The following PIK3C2A variants were observed in gnomAD, a reference collection of about 807,000 sequenced individuals.
The protein encoded by PIK3C2A is phosphatidylinositol 4-phosphate 3-kinase C2 domain-containing subunit alpha.
A neutral mutation model predicts 204.5 loss-of-function variants in PIK3C2A; 97 were observed. The ratio of observed to expected loss-of-function variants is 0.47; its 90% CI spans 0.40 to 0.56. The LOEUF (loss-of-function observed/expected upper bound fraction) is 0.56. PIK3C2A is among the 20% of genes least tolerant of loss of function. PIK3C2A has a pLI of 0.00. For missense variants in PIK3C2A, 1,735 were observed against 1,969.2 expected (o/e 0.88, Z 2.25); for synonymous variants, 653 against 664.4 (o/e 0.98, Z 0.26).
rs1167007528 is a variant in PIK3C2A, at chr11:17,087,291, T to G, written c.*2447A>C. On this transcript the variant is annotated 3_prime_UTR_variant, in exon 33 of 33. Transcript: ENST00000691414. ...CTTAAAAATCCAACTGATTTAAAAT[T>G]TATTGATAGTAGTAGTGCAAAGAGG... 6.6e-6 allele frequency: 1 copy of G among 150,966 alleles called. No individual in the cohort carries two copies. The highest frequency in any genetic ancestry group is 1.5e-5 in the Non-Finnish European group (1 of 67,626). The allele number at this position is 150,966 out of a possible 1,614,324, so 9.4% of individuals were successfully genotyped here.
intron 1 of PIK3C2A, among the ~76,000 whole-genome samples, chr11:17,178,114 A>AAAAAAAG (rs1851402130): frequency 4.1e-4 from 30 of 73,220 alleles, no homozygotes; most frequent in Admixed American, 5.2e-4. Flanking sequence ...AAAAAAAAAG[A>AAAAAAAG]AAAAAAAAAT....
chr11:17,186,165 G>A (rs1263572036), intron 1 of PIK3C2A, among the ~76,000 whole-genome samples: 1 of 152,076 alleles, frequency 6.6e-6, no homozygotes, highest in African/African-American at 2.4e-5. Context: ...ATCACTGAAT[G>A]GCTTAATCCC....
At chr11:17,101,855 G>T (rs956722073) in intron 24 of PIK3C2A, among the ~76,000 whole-genome samples, 7 of 151,730 alleles carry the variant, frequency 4.6e-5, no homozygotes, top group Non-Finnish European at 8.8e-5. Flanking sequence ...CGCCCGCCTT[G>T]GCCTCCCAAA....
chr11:17,182,679 A>G (rs1279462309), intron 1 of PIK3C2A, among the ~76,000 whole-genome samples: 1 of 152,146 alleles, frequency 6.6e-6, no homozygotes. Flanking sequence ...TCTAGAGGCT[A>G]AATTAAGGAG....
At chr11:17,128,829 A>T (rs991718542) in intron 13 of PIK3C2A, among the ~76,000 whole-genome samples, 1 of 152,232 alleles carries the variant, frequency 6.6e-6, no homozygotes, top group African/African-American at 2.4e-5. Context: ...GATGTATGGC[A>T]ATTAAAGACT....
rs767184070 is a variant in PIK3C2A at position 17,129,477 on chromosome 11, G to GA, written c.2232-11dup. ...GATAGGAAAAATGATTCTATGGGGGGAAAAATGTATTAATAGAACAAATTA... is the reference window on the plus strand; with the variant it reads ...GATAGGAAAAATGATTCTATGGGGGGAAAAAATGTATTAATAGAACAAATTA... On this transcript the variant is annotated splice_polypyrimidine_tract_variant and intron_variant, in intron 12 of 32. Transcript: ENST00000691414. 7.7e-6 allele frequency: 12 copies of GA among 1,557,408 alleles called. No individual in the cohort carries two copies. The highest frequency in any genetic ancestry group is 1.9e-4 in the Middle Eastern group (1 of 5,142).
At chr11:17,171,302 T>A (rs1045110701) in intron 1 of PIK3C2A, among the ~76,000 whole-genome samples, 1 of 152,202 alleles carries the variant, frequency 6.6e-6, no homozygotes, top group African/African-American at 2.4e-5. Flanking sequence ...CTAATCTGGT[T>A]TGTGATACAT....
chr11:17,165,188 T>C (rs900580807), intron 2 of PIK3C2A, among the ~76,000 whole-genome samples: 7 of 152,186 alleles, frequency 4.6e-5, no homozygotes, highest in African/African-American at 1.7e-4. Flanking sequence ...GTCTTGTCAT[T>C]TTCCCAACTT....
intron 25 of PIK3C2A, among the ~76,000 whole-genome samples, 159 bp from the exon 26 acceptor site, chr11:17,100,128 C>T (rs952448135): frequency 1.8e-4 from 28 of 151,602 alleles, no homozygotes; most frequent in African/African-American, 6.8e-4. Flanking sequence ...GATTATCTAA[C>T]AAATAAGGAA....
At chr11:17,172,976 T>A (rs991638300) in intron 1 of PIK3C2A, among the ~76,000 whole-genome samples, 2 of 152,228 alleles carry the variant, frequency 1.3e-5, no homozygotes, top group African/African-American at 4.8e-5. Context: ...ACTTCTCCAA[T>A]GAGGGACCTA....
chr11:17,101,810 A>G (rs906729879), intron 24 of PIK3C2A, among the ~76,000 whole-genome samples: 45 of 151,728 alleles, frequency 3.0e-4, no homozygotes, highest in South Asian at 6.2e-4. Flanking sequence ...TCACCGTGTT[A>G]GCCAGGATGG....
intron 13 of PIK3C2A, among the ~76,000 whole-genome samples, chr11:17,127,858 A>G (rs1331642692): frequency 6.6e-6 from 1 of 152,194 alleles, no homozygotes; most frequent in African/African-American, 2.4e-5. Context: ...CAAAAGATAT[A>G]TTCTAGAACA....
At chr11:17,148,269 ATTTCAGGC>A (rs1390798364) in intron 5 of PIK3C2A, 1 of 155,038 alleles carries the variant, frequency 6.5e-6, no homozygotes, top group Non-Finnish European at 1.4e-5. Context: ...TATAATGATT[ATTTCAGGC>A]AACTAAAAGG....
intron 8 of PIK3C2A, among the ~76,000 whole-genome samples, chr11:17,142,247 T>C (rs1184432008): frequency 6.6e-6 from 1 of 152,038 alleles, no homozygotes; most frequent in African/African-American, 2.4e-5. Flanking sequence ...GTGGAAAAGG[T>C]TAAGGTTAGA....
intron 1 of PIK3C2A, among the ~76,000 whole-genome samples, chr11:17,180,361 C>G (rs1307261544): frequency 2.0e-5 from 3 of 151,918 alleles, no homozygotes; most frequent in African/African-American, 7.3e-5. Flanking sequence ...GAGCCAGACT[C>G]TCTGTCAAAA....
At chr11:17,095,516 G>A (rs536936602) in intron 27 of PIK3C2A, among the ~76,000 whole-genome samples, 38 of 151,138 alleles carry the variant, frequency 2.5e-4, no homozygotes, top group African/African-American at 8.0e-4. Flanking sequence ...GCGTGAACCC[G>A]GGAGGCAGAG....
intron 1 of PIK3C2A, among the ~76,000 whole-genome samples, chr11:17,200,626 A>G (rs1198093737): frequency 1.3e-5 from 2 of 152,190 alleles, no homozygotes; most frequent in Non-Finnish European, 2.9e-5. Context: ...TCAAAAGGGC[A>G]TAATTATGGA....
chr11:17,133,614 A>G (rs999864569), intron 11 of PIK3C2A, among the ~76,000 whole-genome samples: 1 of 152,132 alleles, frequency 6.6e-6, no homozygotes, highest in Non-Finnish European at 1.5e-5. Flanking sequence ...TTTTCAGTTC[A>G]TACATTGATT....
chr11:17,091,767 A>AG, intron 30 of PIK3C2A, 111 bp from the exon 31 acceptor site: 1 of 731,592 alleles, frequency 1.4e-6, no homozygotes, highest in Non-Finnish European at 2.3e-6. Context: ...GACAGAAGGG[A>AG]GGGGAAAAAG....
Sources: gnomAD v4.1 joint callset for allele counts (sites outside exome capture counted in the v4.1 genomes callset) on GRCh38, gnomAD v4.1.1 for gene constraint, MANE v1.5 for transcripts, NCBI Gene and HGNC (gene_info 2026-07-23, HGNC 2026-07-21) for gene names.